SEL1L: variants seen among roughly 807,000 people sequenced by gnomAD.
The protein encoded by SEL1L is protein sel-1 homolog 1.
A neutral mutation model predicts 109.8 loss-of-function variants in SEL1L; 52 were observed. The observed-to-expected ratio is 0.47, with a 90% CI of 0.38 to 0.60. The LOEUF is 0.60. Ranked by LOEUF, SEL1L falls within the 20% of genes least tolerant of loss-of-function variation. The pLI is 0.00. For missense variants in SEL1L, 749 were observed against 962.2 expected (o/e 0.78, Z 2.93); for synonymous variants, 373 against 339.6 (o/e 1.10, Z -1.08).
At chr14:81,519,209 G>A (rs769008164) in intron 3 of SEL1L, among the ~76,000 whole-genome samples, 9 of 152,198 alleles carry the variant, frequency 5.9e-5, no homozygotes, top group Non-Finnish European at 1.2e-4. Flanking sequence ...TAAGCACTCC[G>A]TGTGACTCCT....
In SEL1L at chr14:81,475,202, T is replaced by A. The variant is rs1903121861; in HGVS notation, c.*1770A>T. ...TAAGAGACCAAACAAGTCTCACTAT[T>A]TACAAGAGTTGCCTAAAGCAACATT... On this transcript the variant is annotated 3_prime_UTR_variant, in exon 21 of 21. Transcript: ENST00000336735. 1 of 152,252 alleles carries A rather than the reference T, an allele frequency of 6.6e-6. No homozygotes were observed. Among genetic ancestry groups the A allele is most frequent in the Non-Finnish European group, 1.5e-5 (1 of 68,020 alleles). The allele number at this position is 152,252 out of a possible 1,614,324, so 9.4% of individuals were successfully genotyped here. A position where few individuals can be genotyped will look rare whatever the true frequency, so the allele number is the denominator to read the frequency against.
At chr14:81,513,472 A>C (rs1189717005) in intron 3 of SEL1L, among the ~76,000 whole-genome samples, 1 of 152,094 alleles carries the variant, frequency 6.6e-6, no homozygotes, top group African/African-American at 2.4e-5. Flanking sequence ...GCGCCACCTT[A>C]AGAACTGTAA....
At chr14:81,489,164 T>G in intron 14 of SEL1L, 88 bp downstream of exon 14, 6 of 1,180,892 alleles carry the variant, frequency 5.1e-6, no homozygotes, top group Non-Finnish European at 7.6e-6. Context: ...CAGCCCCACC[T>G]GGGCTGACTG....
Position 81,474,100 on chromosome 14 carries a change from A to G in SEL1L, c.*2872T>C, listed in dbSNP as rs778651021. 6 of 152,176 alleles carry G rather than the reference A, an allele frequency of 3.9e-5. No homozygotes were observed. The highest frequency in any genetic ancestry group is 1.4e-4 in the African/African-American group (6 of 41,562). The allele number at this position is 152,176 out of a possible 1,614,324, so 9.4% of individuals were successfully genotyped here. A position where few individuals can be genotyped will look rare whatever the true frequency, so the allele number is the denominator to read the frequency against. ...CAAATCCTTAGTATCAAGATTAATA[A>G]TTTATAAATTCATCTGAGTTAAGTG... On this transcript the variant is annotated 3_prime_UTR_variant, in exon 21 of 21. Coordinates refer to ENST00000336735, the MANE Select transcript of SEL1L (RefSeq NM_005065.6).
intron 3 of SEL1L, among the ~76,000 whole-genome samples, chr14:81,525,399 T>C (rs1186705928): frequency 6.8e-6 from 1 of 147,036 alleles, no homozygotes; most frequent in Non-Finnish European, 1.5e-5. Flanking sequence ...AGTGAGACCA[T>C]GTCTCTAAAA....
At position 81,492,537 on chromosome 14, in the gene SEL1L, G is replaced by C. The variant is rs1420030228; in HGVS notation, c.1197C>G (p.Asp399Glu). Residue 399 changes from aspartate (D) to glutamate (E), a missense_variant, in exon 12 of 21, where the codon GAC becomes GAG. Asp to Glu is a conservative substitution (Grantham distance 45). Around this residue, in one of 2 missense-constraint regions of SEL1L, gnomAD observed 383 missense variants for 562.5 expected, o/e 0.68. Coordinates refer to ENST00000336735, the MANE Select transcript of SEL1L (RefSeq NM_005065.6). ...CAGCATTTGCTGCTAAATTGAAGTA[G>C]TCAAATGCTCTCTATGAGAAAAGAA... ...GVEQNHQRAF[D>E]YFNLAANAGN... The C allele has an allele frequency of 3.1e-6, 5 of 1,608,746 alleles. No homozygotes were observed. Among genetic ancestry groups the C allele is most frequent in the Non-Finnish European group, 4.3e-6 (5 of 1,176,174 alleles).
chr14:81,478,164 A>G (rs1201127562), intron 20 of SEL1L, among the ~76,000 whole-genome samples: 2 of 152,182 alleles, frequency 1.3e-5, no homozygotes, highest in Non-Finnish European at 2.9e-5. Context: ...GTATAATTTT[A>G]TATAAAATTA....
In SEL1L at chr14:81,475,615, G is replaced by C. The variant is rs1903132991; in HGVS notation, c.*1357C>G. 1 of 152,160 alleles carries C rather than the reference G, an allele frequency of 6.6e-6. No homozygotes were observed. Among genetic ancestry groups the C allele is most frequent in the Non-Finnish European group, 1.5e-5 (1 of 68,044 alleles). 9.4% of individuals were successfully genotyped at this position (152,160 alleles called of 1,614,324 possible). A position where few individuals can be genotyped will look rare whatever the true frequency, so the allele number is the denominator to read the frequency against. On this transcript the variant is annotated 3_prime_UTR_variant, in exon 21 of 21. Coordinates refer to ENST00000336735, the MANE Select transcript of SEL1L (RefSeq NM_005065.6). ...GAATGCAGTCTCAGACAAGATACAG[G>C]CTGGTGAACACCACCATCTGACAAT...
intron 3 of SEL1L, among the ~76,000 whole-genome samples, chr14:81,511,793 TTC>T (rs1884486922): frequency 6.6e-6 from 1 of 152,240 alleles, no homozygotes; most frequent in Non-Finnish European, 1.5e-5. Flanking sequence ...TTAAACTCAG[TTC>T]CTTTTGTGCC....
rs543576279 is a variant in SEL1L, at chr14:81,523,288, T to G, written c.340+3445A>C. ...GTTGAGCCAATAAATCAACGCGCAA[T>G]GATTTAATCAATTATGCCTGCATAA... is the stretch of plus-strand genomic sequence containing the variant. On this transcript the variant is annotated intron_variant, in intron 3 of 20. Transcript: ENST00000336735. Among the ~76,000 whole-genome samples the G allele has an allele frequency of 3.3e-5, 5 of 152,240 alleles. No homozygotes were observed. The South Asian group carries it at 6.2e-4, about 19-fold the overall frequency.
intron 20 of SEL1L, among the ~76,000 whole-genome samples, chr14:81,479,122 A>C (rs889631930): frequency 6.6e-6 from 1 of 152,216 alleles, no homozygotes; most frequent in African/African-American, 2.4e-5. Flanking sequence ...TTCTTCCATT[A>C]GCCTATTTAA....
In SEL1L at chr14:81,497,909, CT is replaced by C. The variant is rs1883835458; in HGVS notation, c.1110del (p.Gly371ValfsTer20). On this transcript the variant is annotated frameshift_variant, in exon 10 of 21. Coordinates refer to ENST00000336735, the MANE Select transcript of SEL1L (RefSeq NM_005065.6). LOFTEE classifies it high-confidence loss of function. ...ACACGTACCTGTGCTTGTACATCACCTTTTTCAGCTAGGAACTGGTAATATT... is the reference window on the plus strand; with the variant it reads ...ACACGTACCTGTGCTTGTACATCACCTTTTCAGCTAGGAACTGGTAATATT... ...LIQYYQFLAE[K>X]GDVQAQVGLG... 6.2e-7 allele frequency: 1 copy of C among 1,613,386 alleles called. No individual in the cohort carries two copies.
At chr14:81,510,013 C>A (rs911249740) in intron 3 of SEL1L, among the ~76,000 whole-genome samples, 13 of 152,122 alleles carry the variant, frequency 8.5e-5, no homozygotes, top group African/African-American at 2.9e-4. Flanking sequence ...ATTAAAGGTC[C>A]CTAGAGAGTA....
intron 3 of SEL1L, among the ~76,000 whole-genome samples, chr14:81,518,832 C>T (rs1301896558): frequency 1.3e-5 from 2 of 152,116 alleles, no homozygotes; most frequent in African/African-American, 2.4e-5. Context: ...GGTCTCACTA[C>T]TATCTGGGTC....
chr14:81,500,131 G>T (rs1448973993), intron 6 of SEL1L, among the ~76,000 whole-genome samples: 2 of 151,586 alleles, frequency 1.3e-5, no homozygotes, highest in Admixed American at 6.6e-5. Flanking sequence ...GGCTGGTCTT[G>T]AACTATTGAC....
chr14:81,530,777 C>T (rs961750909), intron 1 of SEL1L, among the ~76,000 whole-genome samples: 11 of 152,118 alleles, frequency 7.2e-5, no homozygotes, highest in African/African-American at 2.4e-4. Flanking sequence ...TATCACTGGG[C>T]GATTTCCTTT....
At position 81,475,563 on chromosome 14, in the gene SEL1L, G is replaced by GT. The variant is rs1218356941; in HGVS notation, c.*1408dup. Reference sequence around the variant, plus strand: ...GGTTAGTATAAACATACTGACATCAGTAGGCATAGAAAACCTGCTCAGATA... The same window carrying GT: ...GGTTAGTATAAACATACTGACATCAGTTAGGCATAGAAAACCTGCTCAGATA... On this transcript the variant is annotated 3_prime_UTR_variant, in exon 21 of 21. Coordinates refer to ENST00000336735, the MANE Select transcript of SEL1L (RefSeq NM_005065.6). 6.6e-6 allele frequency: 1 copy of GT among 152,192 alleles called. No individual in the cohort carries two copies. The highest frequency in any genetic ancestry group is 1.5e-5 in the Non-Finnish European group (1 of 68,034). The allele number at this position is 152,192 out of a possible 1,614,324, so 9.4% of individuals were successfully genotyped here.
At chr14:81,501,113 A>G (rs900102724) in intron 6 of SEL1L, among the ~76,000 whole-genome samples, 2 of 152,184 alleles carry the variant, frequency 1.3e-5, no homozygotes, top group African/African-American at 4.8e-5. Flanking sequence ...TCACTTCATC[A>G]TGGCATGGAA....
In SEL1L at chr14:81,487,973, G is replaced by C. The variant is rs185077407; in HGVS notation, c.1396-31C>G. ...GAAAAAGATGTCATATGATGAGAAA[G>C]CTCAAAAGGCAGACATACTCAAAAG... On this transcript the variant is annotated intron_variant, in intron 14 of 20. Transcript: ENST00000336735. 1.4e-4 allele frequency: 207 copies of C among 1,519,158 alleles called. No individual in the cohort carries two copies. In the Admixed American group the frequency reaches 3.5e-3, roughly 26 times the overall value. The allele number at this position is 1,519,158 out of a possible 1,614,324, so 94.1% of individuals were successfully genotyped here. A position where few individuals can be genotyped will look rare whatever the true frequency, so the allele number is the denominator to read the frequency against.
Sources: allele counts gnomAD v4.1 joint callset (sites outside exome capture counted in the v4.1 genomes callset), GRCh38; gene constraint gnomAD v4.1.1; regional missense constraint gnomAD v4.1.1; transcripts MANE v1.5; gene names NCBI Gene and HGNC (gene_info 2026-07-23, HGNC 2026-07-21).